The following ATP11A variants were observed in gnomAD, a reference collection of about 807,000 sequenced individuals.
ATP11A encodes the protein ATPase phospholipid transporting 11A.
A neutral mutation model predicts 154.4 loss-of-function variants in ATP11A; 81 were observed. That is an observed-to-expected ratio of 0.52 (90% CI 0.44 to 0.63). The LOEUF (loss-of-function observed/expected upper bound fraction) is 0.63, where lower values mean the gene tolerates loss of function less well. Ranked by LOEUF, ATP11A falls within the 30% of genes least tolerant of loss-of-function variation. The probability of loss-of-function intolerance (pLI) is 0.00; values close to 1 mark genes in which losing one functional copy is unlikely to be tolerated. For synonymous variants in ATP11A, 623 were observed against 585.9 expected (o/e 1.06, Z -0.91); for missense variants, 1,316 against 1,474.3 (o/e 0.89, Z 1.76).
At chr13:112,772,974 G>A (rs2077261108) in intron 1 of ATP11A, among the ~76,000 whole-genome samples, 1 of 152,184 alleles carries the variant, frequency 6.6e-6, no homozygotes, top group African/African-American at 2.4e-5. Flanking sequence ...TGTAGGGAAT[G>A]GCTCTGCCAT....
In ATP11A at chr13:112,882,511, C is replaced by T. The variant is rs866281843; in HGVS notation, c.*645C>T. 5.9e-5 allele frequency: 27 copies of T among 459,124 alleles called. No individual in the cohort carries two copies. Among genetic ancestry groups the T allele is most frequent in the African/African-American group, 2.8e-4 (14 of 50,642 alleles). The allele number at this position is 459,124 out of a possible 1,614,324, so 28.4% of individuals were successfully genotyped here. The stretch of plus-strand genomic sequence containing the variant: ...ATGCTGTGGGAAGGGCCGGGTCACT[C>T]GGATACCATCATCCCTGCGGATGCA... On this transcript the variant is annotated 3_prime_UTR_variant, in exon 30 of 30. Transcript: ENST00000375645. This position sits in a 1 kb window ranked among gnomAD's most constrained non-coding sequence, Gnocchi z 5.1.
intron 1 of ATP11A, among the ~76,000 whole-genome samples, chr13:112,778,641 G>A (rs1340210747): frequency 7.3e-5 from 11 of 151,186 alleles, no homozygotes; most frequent in Non-Finnish European, 1.5e-4. Context: ...GTAGCCGCTG[G>A]AGTGAGGAGT....
chr13:112,762,688 A>C (rs987523117), intron 1 of ATP11A, among the ~76,000 whole-genome samples: 5 of 152,200 alleles, frequency 3.3e-5, no homozygotes, highest in Admixed American at 6.5e-5. Flanking sequence ...ATTGCTGTAA[A>C]GTCATGAGCT....
At chr13:112,873,425 A>G in intron 26 of ATP11A, 148 bp from the exon 27 acceptor site, 1 of 592,200 alleles carries the variant, frequency 1.7e-6, no homozygotes, top group Non-Finnish European at 2.9e-6. Flanking sequence ...TGTCTTCCTG[A>G]GCCGTGTTTT....
rs140239187 is a variant in ATP11A at position 112,757,426 on chromosome 13, G to A, written c.40-27709G>A. On this transcript the variant is annotated intron_variant, in intron 1 of 29. Transcript: ENST00000375645. Reference sequence around the variant, plus strand: ...CATCACGACTTCCTCTTATGTCGGTGTTAATTACTGTCACAGGTATTTGCG... The same window carrying A: ...CATCACGACTTCCTCTTATGTCGGTATTAATTACTGTCACAGGTATTTGCG... Among the ~76,000 whole-genome samples the A allele has an allele frequency of 1.4e-4, 21 of 152,390 alleles. No homozygotes were observed. In the East Asian group the frequency reaches 3.3e-3, roughly 24 times the overall value.
intron 1 of ATP11A, among the ~76,000 whole-genome samples, chr13:112,770,220 C>A (rs1334629504): frequency 6.6e-6 from 1 of 152,114 alleles, no homozygotes; most frequent in Non-Finnish European, 1.5e-5. Context: ...AGTTCTGGAC[C>A]CAGTAAACTA....
intron 2 of ATP11A, among the ~76,000 whole-genome samples, chr13:112,794,308 T>C (rs1364467823): frequency 1.3e-5 from 2 of 152,236 alleles, no homozygotes; most frequent in East Asian, 3.8e-4. Flanking sequence ...GAAGGATAAC[T>C]GTCCACCATT....
chr13:112,793,299 T>C (rs1435305727), intron 2 of ATP11A, among the ~76,000 whole-genome samples: 1 of 152,124 alleles, frequency 6.6e-6, no homozygotes, highest in Non-Finnish European at 1.5e-5. Context: ...CCGCCCGGGT[T>C]TAAGTGATTC....
At chr13:112,730,565 A>G (rs166865) in intron 1 of ATP11A, among the ~76,000 whole-genome samples, 40,191 of 152,144 alleles carry the variant, frequency 0.26, 7,474 homozygotes, top group African/African-American at 0.53. Flanking sequence ...GAAACTCCAC[A>G]GCGTGAGCAC....
intron 1 of ATP11A, chr13:112,703,378 A>G (rs1886799911): frequency 6.6e-6 from 1 of 152,334 alleles, no homozygotes; most frequent in Admixed American, 6.5e-5. Context: ...TTCAGGTCCA[A>G]TCACATTAGG....
intron 3 of ATP11A, among the ~76,000 whole-genome samples, chr13:112,805,830 C>CT (rs368339359): frequency 6.6e-6 from 1 of 152,032 alleles, no homozygotes; most frequent in African/African-American, 2.4e-5. Flanking sequence ...GAACAGCACT[C>CT]TAATTTTTCT....
At chr13:112,707,600 C>G (rs928695211) in intron 1 of ATP11A, among the ~76,000 whole-genome samples, 1 of 151,970 alleles carries the variant, frequency 6.6e-6, no homozygotes, top group African/African-American at 2.4e-5. Flanking sequence ...CACAGTCGAC[C>G]GGCATTTGAC....
chr13:112,801,867 CCTAAT>C (rs1408498911), intron 2 of ATP11A, among the ~76,000 whole-genome samples: 1 of 152,168 alleles, frequency 6.6e-6, no homozygotes, highest in Non-Finnish European at 1.5e-5. Context: ...TTTGACCTGT[CCTAAT>C]CAAATTCCCA....
intron 2 of ATP11A, among the ~76,000 whole-genome samples, chr13:112,799,282 T>G (rs2078074133): frequency 6.6e-6 from 1 of 152,226 alleles, no homozygotes; most frequent in Non-Finnish European, 1.5e-5. Flanking sequence ...CATCAGTCCC[T>G]TGGATCTAAT....
chr13:112,836,111 A>T, intron 15 of ATP11A, 67 bp from the exon 16 acceptor site: 4 of 1,217,912 alleles, frequency 3.3e-6, no homozygotes, highest in Non-Finnish European at 4.8e-6. Context: ...GGAGAGCTCC[A>T]CAGTTACCAG....
Position 112,859,595 on chromosome 13 carries a change from G to C in ATP11A, c.2727+143G>C, listed in dbSNP as rs936168057. On this transcript the variant is annotated intron_variant, in intron 23 of 29. Transcript: ENST00000375645. The surrounding 1 kb of genome is among the most constrained non-coding windows in gnomAD (Gnocchi z 4.3). ...GAGCCAGGGTGCCCAGCAGCAGGCG[G>C]GGGTGAAGGGTCGGGCCTGGGGAGG... The C allele has an allele frequency of 2.7e-6, 2 of 741,984 alleles. No individual in the cohort carries two copies. The highest frequency in any genetic ancestry group is 2.5e-5 in the East Asian group (1 of 39,904). The allele number at this position is 741,984 out of a possible 1,614,324, so 46.0% of individuals were successfully genotyped here.
intron 1 of ATP11A, among the ~76,000 whole-genome samples, chr13:112,778,285 C>T (rs1419650621): frequency 3.3e-5 from 5 of 152,228 alleles, no homozygotes; most frequent in African/African-American, 7.2e-5. Flanking sequence ...CTTAGCGGCT[C>T]TGTGAGAGGA....
chr13:112,824,707 G>C (rs1443740429), intron 10 of ATP11A, among the ~76,000 whole-genome samples: 1 of 152,184 alleles, frequency 6.6e-6, no homozygotes, highest in Admixed American at 6.5e-5. Context: ...GTATCCAACA[G>C]CTCCTCTCAC....
chr13:112,854,230 G>A (rs907747388), intron 18 of ATP11A, 49 bp from the exon 19 acceptor site: 2 of 1,596,986 alleles, frequency 1.3e-6, no homozygotes, highest in East Asian at 2.2e-5. Flanking sequence ...TGGATTCCTG[G>A]GTCAGCACTG....
Sources: gnomAD v4.1 joint callset for allele counts (sites outside exome capture counted in the v4.1 genomes callset) on GRCh38, gnomAD v4.1.1 for gene constraint, Gnocchi (gnomAD v3.1) non-coding constraint, MANE v1.5 for transcripts, NCBI Gene and HGNC (gene_info 2026-07-23, HGNC 2026-07-21) for gene names.